PRRC2B: variants seen among roughly 807,000 people sequenced by gnomAD.
PRRC2B encodes protein PRRC2B.
PRRC2B carries 68 observed loss-of-function variants against 242.3 expected under a neutral mutation model. That is an observed-to-expected ratio of 0.28 (90% CI 0.23 to 0.34). The LOEUF is 0.34. PRRC2B is among the 10% of genes least tolerant of loss of function. The pLI, the probability that PRRC2B is intolerant of heterozygous loss-of-function variation, is 1.00. For missense variants in PRRC2B, 2,835 were observed against 2,954.8 expected (o/e 0.96, Z 0.94); for synonymous variants, 1,228 against 1,173.6 (o/e 1.05, Z -0.95).
chr9:131,456,136 A>C (rs888820924), intron 10 of PRRC2B, among the ~76,000 whole-genome samples: 1 of 151,366 alleles, frequency 6.6e-6, no homozygotes, highest in Admixed American at 6.6e-5. Context: ...AAAAAAAATT[A>C]AGTGCACTGG....
rs1483979239 is a variant in PRRC2B at position 131,475,459 on chromosome 9, G to T, written c.3330G>T (p.Arg1110=). ...YCSSQRSGRG[R]GLREFARPED... ...GCAGTCAGCGCAGCGGCCGTGGCCGGGGCCTGCGAGAGTTTGCGCGGCCAG... is the reference window on the plus strand; with the variant it reads ...GCAGTCAGCGCAGCGGCCGTGGCCGTGGCCTGCGAGAGTTTGCGCGGCCAG... Residue 1110 remains arginine (R), a synonymous_variant, in exon 16 of 32, where the codon CGG becomes CGT. Coordinates refer to ENST00000683519, the MANE Select transcript of PRRC2B (RefSeq NM_013318.4). 6.3e-7 allele frequency: 1 copy of T among 1,585,752 alleles called. No homozygotes were observed. The highest frequency in any genetic ancestry group is 1.4e-5 in the African/African-American group (1 of 73,976).
At chr9:131,409,466 G>T (rs1265452550) in intron 1 of PRRC2B, among the ~76,000 whole-genome samples, 1 of 152,260 alleles carries the variant, frequency 6.6e-6, no homozygotes, top group Non-Finnish European at 1.5e-5. Context: ...TTATAGGTGT[G>T]AGCCACTGCT....
chr9:131,482,270 A>C lies in PRRC2B; in HGVS notation c.4984-101A>C. On this transcript the variant is annotated intron_variant, in intron 20 of 31. Transcript: ENST00000683519. This position sits in a 1 kb window ranked among gnomAD's most constrained non-coding sequence, Gnocchi z 5.2. ...ATCAGGACCAGACTTGGCAAGGGAC[A>C]GGCAGCTGGGGTAGAAAAGTCTCTG... 7.7e-7 allele frequency: 1 copy of C among 1,305,588 alleles called. No individual in the cohort carries two copies. The allele number at this position is 1,305,588 out of a possible 1,614,324, so 80.9% of individuals were successfully genotyped here. A position where few individuals can be genotyped will look rare whatever the true frequency, so the allele number is the denominator to read the frequency against.
At chr9:131,420,910 C>G (rs927735670) in intron 1 of PRRC2B, among the ~76,000 whole-genome samples, 3 of 152,178 alleles carry the variant, frequency 2.0e-5, no homozygotes, top group South Asian at 2.1e-4. Flanking sequence ...GTTCCCCCAC[C>G]CTGATATGCA....
intron 13 of PRRC2B, among the ~76,000 whole-genome samples, chr9:131,468,216 T>C (rs1308958067): frequency 6.6e-6 from 1 of 152,156 alleles, no homozygotes; most frequent in African/African-American, 2.4e-5. Context: ...CACGTCACCT[T>C]TGGGTTACAG....
chr9:131,402,207 C>T (rs11243392), intron 1 of PRRC2B, among the ~76,000 whole-genome samples: 7 of 152,174 alleles, frequency 4.6e-5, no homozygotes, highest in Non-Finnish European at 7.3e-5. Flanking sequence ...TTGCCTGCCT[C>T]GGCTTCCCAG....
chr9:131,409,522 A>T (rs1165354744), intron 1 of PRRC2B, among the ~76,000 whole-genome samples: 1 of 152,242 alleles, frequency 6.6e-6, no homozygotes, highest in Admixed American at 6.5e-5. Flanking sequence ...CTGAATGTGT[A>T]TTAGTAACAT....
intron 1 of PRRC2B, among the ~76,000 whole-genome samples, chr9:131,374,340 AAC>A (rs1242477021): frequency 3.3e-5 from 5 of 152,018 alleles, no homozygotes; most frequent in Admixed American, 1.3e-4. Flanking sequence ...ATAAAAACTA[AAC>A]ACACTGCACT....
chr9:131,452,698 C>G (rs1942958883), intron 9 of PRRC2B, among the ~76,000 whole-genome samples: 1 of 152,120 alleles, frequency 6.6e-6, no homozygotes, highest in Non-Finnish European at 1.5e-5. Context: ...TTTTCTGTAT[C>G]TATTTTAAAT....
chr9:131,492,116 C>T (rs1944212495), intron 29 of PRRC2B, 53 bp from the exon 30 acceptor site: 10 of 1,396,014 alleles, frequency 7.2e-6, no homozygotes, highest in Non-Finnish European at 1.0e-5. Flanking sequence ...AGTGTGTGGT[C>T]CAGCTGTCTC....
intron 3 of PRRC2B, 66 bp downstream of exon 3, chr9:131,432,860 T>C (rs1838224242): frequency 3.2e-6 from 5 of 1,538,882 alleles, no homozygotes; most frequent in Non-Finnish European, 3.6e-6. Flanking sequence ...CATCCTTCCC[T>C]GTGGCAAACT....
chr9:131,414,923 C>T (rs1837605575), intron 1 of PRRC2B, among the ~76,000 whole-genome samples: 1 of 152,092 alleles, frequency 6.6e-6, no homozygotes, highest in Admixed American at 6.6e-5. Flanking sequence ...TGTCCCTCCA[C>T]ACGTGGTCCT....
intron 28 of PRRC2B, among the ~76,000 whole-genome samples, chr9:131,489,253 C>T (rs950699081): frequency 2.0e-5 from 3 of 149,870 alleles, no homozygotes; most frequent in Non-Finnish European, 4.4e-5. Context: ...GGCGCAATCT[C>T]GGCTCACTGC....
rs2131411973 is a variant in PRRC2B at position 131,459,162 on chromosome 9, A to G, written c.1212-2A>G. 2 of 1,613,340 alleles carry G rather than the reference A, an allele frequency of 1.2e-6. No homozygotes were observed. The highest frequency in any genetic ancestry group is 1.7e-6 in the Non-Finnish European group (2 of 1,179,414). On this transcript the variant is annotated splice_acceptor_variant, in intron 10 of 31. Coordinates refer to ENST00000683519, the MANE Select transcript of PRRC2B (RefSeq NM_013318.4). LOFTEE classifies it high-confidence loss of function. ...CTTAACATCAAATGTGGTTTGTCCT[A>G]GGAACAGTTGGGACCCTAGGAGGCA...
In PRRC2B at chr9:131,478,554, G is replaced by T. The variant is rs760016268; in HGVS notation, c.4693G>T (p.Val1565Phe). ...TATGGTGGGCGAAGGCTTCATCGAA[G>T]TCCTGACCAAGAAGCAGCGCCGCCT... Reference protein sequence around the residue: ...GSMVGEGFIEVLTKKQRRLLE... With the variant: ...GSMVGEGFIEFLTKKQRRLLE... Residue 1565 changes from valine to phenylalanine, a missense_variant, in exon 18 of 32, where the codon GTC becomes TTC. Transcript: ENST00000683519. The T allele has an allele frequency of 3.7e-6, 6 of 1,610,482 alleles. No homozygotes were observed. The East Asian group carries it at 1.3e-4, about 36-fold the overall frequency.
rs764513472 is a variant in PRRC2B at position 131,485,059 on chromosome 9, G to A, written c.5677G>A (p.Gly1893Arg). 1.1e-5 allele frequency: 18 copies of A among 1,609,552 alleles called. No individual in the cohort carries two copies. Among genetic ancestry groups the A allele is most frequent in the Non-Finnish European group, 1.4e-5 (17 of 1,177,958 alleles). ...TCCATCCTCTGTGGGTGCCTCCAGC[G>A]GGGTCAACTACAGCTCCTTCGGTGG... ...QPPSSVGASS[G>R]VNYSSFGGVS... Residue 1893 changes from glycine (G) to arginine (R), a missense_variant, in exon 25 of 32, where the codon GGG becomes AGG. Coordinates refer to ENST00000683519, the MANE Select transcript of PRRC2B (RefSeq NM_013318.4).
chr9:131,474,727 A>T lies in PRRC2B; in HGVS notation c.2598A>T (p.Pro866=). The T allele has an allele frequency of 6.2e-7, 1 of 1,612,434 alleles. No individual in the cohort carries two copies. Among genetic ancestry groups the T allele is most frequent in the Non-Finnish European group, 8.5e-7 (1 of 1,179,320 alleles). ...ACTTTGTCCCAGATGAGAAAAAGCC[A>T]GAGTGTGGCAGTTGGGATGTTAGCC... is the stretch of plus-strand genomic sequence containing the variant. ...EPDFVPDEKK[P]ECGSWDVSHQ... The change falls in exon 16 of 32, where the codon CCA becomes CCT. Residue 866 remains proline, a synonymous_variant. Coordinates refer to ENST00000683519, the MANE Select transcript of PRRC2B (RefSeq NM_013318.4).
intron 19 of PRRC2B, among the ~76,000 whole-genome samples, chr9:131,480,028 G>A (rs1048277019): frequency 6.6e-6 from 1 of 152,016 alleles, no homozygotes; most frequent in Non-Finnish European, 1.5e-5. Context: ...GTGAGGCAGG[G>A]CCCTGCGCTG....
chr9:131,410,638 T>C (rs1329464319), intron 1 of PRRC2B, among the ~76,000 whole-genome samples: 1 of 152,262 alleles, frequency 6.6e-6, no homozygotes, highest in Non-Finnish European at 1.5e-5. Context: ...CCTTCATGTC[T>C]ATAAAATGGA....
Sources: allele counts gnomAD v4.1 joint callset (sites outside exome capture counted in the v4.1 genomes callset), GRCh38; gene constraint gnomAD v4.1.1; non-coding constraint Gnocchi (gnomAD v3.1); transcripts MANE v1.5; gene names NCBI Gene and HGNC (gene_info 2026-07-23, HGNC 2026-07-21).